Variants in BCL7A observed in about 807,000 individuals in gnomAD.
BCL7A encodes the protein BAF chromatin remodeling complex subunit BCL7A.
Under a neutral mutation model 28.4 loss-of-function variants are expected in BCL7A, and 11 were observed. The observed-to-expected ratio is 0.39, with a 90% confidence interval of 0.24 to 0.64. BCL7A has a LOEUF of 0.64. Ranked by LOEUF, BCL7A falls within the 30% of genes least tolerant of loss-of-function variation. The pLI is 0.50. For synonymous variants in BCL7A, 123 were observed against 103.3 expected, an observed-to-expected ratio of 1.19 and a Z score of -1.15; for missense variants, 222 against 274.8, an observed-to-expected ratio of 0.81 and a Z score of 1.36.
At chr12:122,034,702 A>G (rs1454356938) in intron 2 of BCL7A, among the ~76,000 whole-genome samples, 1 of 151,474 alleles carries the variant, frequency 6.6e-6, no homozygotes, top group African/African-American at 2.4e-5. Context: ...TGATCACGCC[A>G]CTGCACTCTA....
intron 1 of BCL7A, among the ~76,000 whole-genome samples, chr12:122,027,707 T>C (rs1720038): frequency 0.33 from 50,609 of 151,344 alleles, 8,765 homozygotes; most frequent in East Asian, 0.55. Context: ...CGTGGTGGCA[T>C]GTGCTTGTAG....
chr12:122,035,255 C>A, intron 2 of BCL7A, 76 bp from the exon 3 acceptor site: 1 of 1,354,284 alleles, frequency 7.4e-7, no homozygotes, highest in Non-Finnish European at 1.0e-6. Flanking sequence ...ATTCACACCA[C>A]TCCCCAGGGG....
Position 122,061,817 on chromosome 12 carries a change from T to G in BCL7A, c.*2654T>G, listed in dbSNP as rs1593041407. 4.4e-6 allele frequency: 1 copy of G among 228,198 alleles called. No individual in the cohort carries two copies. Among genetic ancestry groups the G allele is most frequent in the East Asian group, 6.3e-5 (1 of 15,966 alleles). The allele number at this position is 228,198 out of a possible 1,614,324, so 14.1% of individuals were successfully genotyped here. ...ATTCCTCTAGGGTGGTGACCTCCCA[T>G]TAGCAAACGGTGTCATGGTTTGGAA... On this transcript the variant is annotated 3_prime_UTR_variant, in exon 6 of 6. Coordinates refer to ENST00000261822, the MANE Select transcript of BCL7A (RefSeq NM_001024808.3).
In BCL7A at chr12:122,060,439, C is replaced by A. The variant is rs1565945004; in HGVS notation, c.*1276C>A. 2 of 233,174 alleles carry A rather than the reference C, an allele frequency of 8.6e-6. No individual in the cohort carries two copies. Among genetic ancestry groups the A allele is most frequent in the Non-Finnish European group, 1.7e-5 (2 of 117,846 alleles). 14.4% of individuals were successfully genotyped at this position (233,174 alleles called of 1,614,324 possible). A position where few individuals can be genotyped will look rare whatever the true frequency, so the allele number is the denominator to read the frequency against. On this transcript the variant is annotated 3_prime_UTR_variant, in exon 6 of 6. Coordinates refer to ENST00000261822, the MANE Select transcript of BCL7A (RefSeq NM_001024808.3). ...CTCCAGAAAGGAGAGACGCAATCTC[C>A]CCTCCCTCCCATCCCCCACCTTCGC...
At chr12:122,022,298 CG>C (rs927101282) in intron 1 of BCL7A, 115 bp downstream of exon 1, 151 of 534,824 alleles carry the variant, frequency 2.8e-4, no homozygotes, top group African/African-American at 2.6e-3. Context: ...AGCCCCGCCG[CG>C]GGCCCCGGGA....
At chr12:122,048,367 C>T (rs1490136681) in intron 4 of BCL7A, among the ~76,000 whole-genome samples, 3 of 152,124 alleles carry the variant, frequency 2.0e-5, no homozygotes, top group African/African-American at 7.2e-5. Context: ...AGTTCATAGT[C>T]ACCGCTGTGA....
chr12:122,053,983 T>G (rs1884252604), intron 4 of BCL7A, among the ~76,000 whole-genome samples: 2 of 152,052 alleles, frequency 1.3e-5, no homozygotes, highest in South Asian at 4.1e-4. Flanking sequence ...ATTAGTGGGG[T>G]GGTCCCTGGG....
At chr12:122,052,873 G>C (rs1479040950) in intron 4 of BCL7A, among the ~76,000 whole-genome samples, 12 of 137,530 alleles carry the variant, frequency 8.7e-5, no homozygotes, top group Non-Finnish European at 1.4e-4. Flanking sequence ...TTAGTCGGGG[G>C]GGGGGGGGGG....
Position 122,030,737 on chromosome 12 carries a change from C to A in BCL7A, c.130C>A (p.Arg44=). The A allele has an allele frequency of 6.2e-7, 1 of 1,614,108 alleles. No individual in the cohort carries two copies. Among genetic ancestry groups the A allele is most frequent in the Non-Finnish European group, 8.5e-7 (1 of 1,179,972 alleles). Residue 44 remains arginine, a synonymous_variant, in exon 2 of 6, where the codon CGA becomes AGA. Transcript: ENST00000261822. ...GGTGACCGTTGGTGACACATCCCTA[C>A]GAATCTACAAATGGGTCCCTGTGAC... ...KWVTVGDTSL[R]IYKWVPVTEP... is the part of the protein sequence containing the mutation.
intron 5 of BCL7A, 134 bp from the exon 6 acceptor site, chr12:122,058,958 G>A: frequency 1.5e-6 from 1 of 684,474 alleles, no homozygotes; most frequent in Non-Finnish European, 2.6e-6. Context: ...TGGGCCTCGG[G>A]TCTGGAACTG....
intron 1 of BCL7A, among the ~76,000 whole-genome samples, chr12:122,024,492 G>C (rs1416082484): frequency 7.1e-6 from 1 of 141,324 alleles, no homozygotes; most frequent in Non-Finnish European, 1.5e-5. Context: ...CCTTCTAAGC[G>C]AAAGCCTTGG....
At chr12:122,055,883 C>T (rs896920306) in intron 5 of BCL7A, among the ~76,000 whole-genome samples, 1 of 152,216 alleles carries the variant, frequency 6.6e-6, no homozygotes. Flanking sequence ...TCTCAAAGTG[C>T]TGGGATTACA....
intron 1 of BCL7A, among the ~76,000 whole-genome samples, chr12:122,022,596 G>T (rs1158185573): frequency 2.1e-5 from 3 of 145,698 alleles, no homozygotes; most frequent in Non-Finnish European, 4.6e-5. Flanking sequence ...CGGCGGCGGC[G>T]GGGAGAGCGC....
chr12:122,024,259 C>A (rs948462797), intron 1 of BCL7A, among the ~76,000 whole-genome samples: 1 of 152,122 alleles, frequency 6.6e-6, no homozygotes, highest in Non-Finnish European at 1.5e-5. Flanking sequence ...ACTTCGTTGC[C>A]GCGACCTTGG....
chr12:122,028,087 G>A (rs554273390), intron 1 of BCL7A, among the ~76,000 whole-genome samples: 3 of 152,128 alleles, frequency 2.0e-5, no homozygotes, highest in Admixed American at 6.5e-5. Context: ...TGGCCCCTCC[G>A]GGTGGCTGCT....
At chr12:122,045,888 A>G (rs1279820190) in intron 4 of BCL7A, among the ~76,000 whole-genome samples, 2 of 151,850 alleles carry the variant, frequency 1.3e-5, no homozygotes, top group African/African-American at 2.4e-5. Context: ...CAGGAGTTCA[A>G]GACCACCCTA....
intron 1 of BCL7A, among the ~76,000 whole-genome samples, chr12:122,028,495 A>G (rs1300126885): frequency 6.6e-6 from 1 of 152,000 alleles, no homozygotes; most frequent in East Asian, 1.9e-4. Flanking sequence ...TGAGTAATGA[A>G]TGGCTTTGGC....
At chr12:122,025,477 A>T (rs1399003711) in intron 1 of BCL7A, among the ~76,000 whole-genome samples, 2 of 151,710 alleles carry the variant, frequency 1.3e-5, no homozygotes, top group African/African-American at 4.9e-5. Context: ...ATACAAAAAA[A>T]TTAGCCAGGC....
intron 2 of BCL7A, among the ~76,000 whole-genome samples, chr12:122,030,989 G>A (rs530578754): frequency 2.0e-5 from 3 of 152,070 alleles, no homozygotes; most frequent in East Asian, 1.9e-4. Context: ...CCCTCAGAGC[G>A]GTGGACGGGG....
Sources: allele counts gnomAD v4.1 joint callset (sites outside exome capture counted in the v4.1 genomes callset), GRCh38; gene constraint gnomAD v4.1.1; transcripts MANE v1.5; gene names NCBI Gene and HGNC (gene_info 2026-07-23, HGNC 2026-07-21).